RABGAP1L: variants seen among roughly 807,000 people sequenced by gnomAD.
RABGAP1L encodes the protein rab GTPase-activating protein 1-like.
RABGAP1L carries 63 observed loss-of-function variants against 137.7 expected under a neutral mutation model. The ratio of observed to expected loss-of-function variants is 0.46; its 90% CI spans 0.37 to 0.56. RABGAP1L has a LOEUF of 0.56. Among genes scored for constraint, RABGAP1L ranks in the 20% least tolerant of loss-of-function variants. The probability of loss-of-function intolerance (pLI) is 0.00; values close to 1 mark genes in which losing one functional copy is unlikely to be tolerated. For synonymous variants in RABGAP1L, 431 were observed against 433.7 expected (o/e 0.99, Z 0.08); for missense variants, 1,095 against 1,244.0 (o/e 0.88, Z 1.80).
rs1330483946 is a variant in RABGAP1L, at chr1:174,217,525, C to A, written c.-33-1600C>A. ...ACCTGAGAAGGACTTGAAGGATTGA[C>A]CACAGAAAGACATCTGGAATATGTG... On this transcript the variant is annotated intron_variant, in intron 1 of 25. Transcript: ENST00000681986. Among the ~76,000 whole-genome samples, 4 of 152,130 alleles carry A rather than the reference C, an allele frequency of 2.6e-5. No homozygotes were observed. In the East Asian group the frequency reaches 7.7e-4, roughly 29 times the overall value.
Position 174,904,411 on chromosome 1 carries a change from G to A in RABGAP1L, c.2341-53046G>A, listed in dbSNP as rs74225925. On this transcript the variant is annotated intron_variant, in intron 19 of 25. Transcript: ENST00000681986. Reference sequence around the variant, plus strand: ...GATTGAGACCATCAACCATCTTTTCGCACCATACTGGGTTACCTGGCAGGA... The same window carrying A: ...GATTGAGACCATCAACCATCTTTTCACACCATACTGGGTTACCTGGCAGGA... Among the ~76,000 whole-genome samples, 61 of 152,166 alleles carry A rather than the reference G, an allele frequency of 4.0e-4. No individual in the cohort carries two copies. In the East Asian group the frequency reaches 0.01, roughly 26 times the overall value.
At chr1:174,661,894 A>G (rs1016552729) in intron 14 of RABGAP1L, among the ~76,000 whole-genome samples, 2 of 152,206 alleles carry the variant, frequency 1.3e-5, no homozygotes, top group Non-Finnish European at 2.9e-5. Context: ...CTGTGCTGCC[A>G]GGTGTATAAA....
intron 18 of RABGAP1L, among the ~76,000 whole-genome samples, chr1:174,768,874 C>A (rs1287334638): frequency 6.6e-6 from 1 of 152,192 alleles, no homozygotes; most frequent in Non-Finnish European, 1.5e-5. Context: ...TCTCGAGTTG[C>A]TGCAGACCTG....
At position 174,943,832 on chromosome 1, in the gene RABGAP1L, C is replaced by CA. The variant is rs1226446592; in HGVS notation, c.2341-13616dup. Among the ~76,000 whole-genome samples the CA allele has an allele frequency of 6.1e-4, 91 of 149,970 alleles. 1 individual carries two copies. The South Asian group carries it at 6.7e-3, about 11-fold the overall frequency. On this transcript the variant is annotated intron_variant, in intron 19 of 25. Transcript: ENST00000681986. Reference sequence around the variant, plus strand: ...GGCGCGACAGTGCGAGACTCCATCTCAAAAAAAAAGACTTTCTCCCCACCA... The same window carrying CA: ...GGCGCGACAGTGCGAGACTCCATCTCAAAAAAAAAAGACTTTCTCCCCACCA...
intron 11 of RABGAP1L, among the ~76,000 whole-genome samples, chr1:174,321,365 T>C (rs540086621): frequency 6.6e-6 from 1 of 152,268 alleles, no homozygotes; most frequent in African/African-American, 2.4e-5. Flanking sequence ...ATGTGATCTC[T>C]GTACCCACAC....
chr1:174,176,942 G>C (rs1244216222), intron 1 of RABGAP1L, among the ~76,000 whole-genome samples: 3 of 151,956 alleles, frequency 2.0e-5, no homozygotes, highest in African/African-American at 7.3e-5. Context: ...TGGGCATGGT[G>C]GTGGGCGCCT....
chr1:174,928,205 G>T (rs990254238), intron 19 of RABGAP1L, among the ~76,000 whole-genome samples: 4 of 152,040 alleles, frequency 2.6e-5, no homozygotes, highest in Admixed American at 1.3e-4. Context: ...CTGTCTAGCA[G>T]TTACTCATTT....
chr1:174,352,279 A>G (rs1571359881), intron 11 of RABGAP1L, among the ~76,000 whole-genome samples: 2 of 151,464 alleles, frequency 1.3e-5, no homozygotes, highest in Non-Finnish European at 2.9e-5. Flanking sequence ...TATCTCTTCT[A>G]ATTGTGTGTT....
chr1:174,394,259 G>A (rs1225878530), intron 13 of RABGAP1L, 114 bp downstream of exon 13: 7 of 1,250,304 alleles, frequency 5.6e-6, no homozygotes, highest in Non-Finnish European at 7.7e-6. Context: ...AATATATTGA[G>A]GTCGTGAAGT....
At chr1:174,589,644 G>A (rs1021168530) in intron 13 of RABGAP1L, among the ~76,000 whole-genome samples, 2 of 152,122 alleles carry the variant, frequency 1.3e-5, no homozygotes, top group African/African-American at 4.8e-5. Flanking sequence ...TATATGTCGA[G>A]AGAAAGGGGT....
chr1:174,991,944 C>G lies in RABGAP1L; in HGVS notation c.*1943C>G, dbSNP rs1672083576. The G allele has an allele frequency of 6.6e-6, 1 of 152,170 alleles. No individual in the cohort carries two copies. Among genetic ancestry groups the G allele is most frequent in the African/African-American group, 2.4e-5 (1 of 41,434 alleles). 9.4% of individuals were successfully genotyped at this position (152,170 alleles called of 1,614,324 possible). ...AATGGCCAGCTAAATTAAAGATGCT[C>G]TTTTGTGTTGTGAATTTCATAGTTC... On this transcript the variant is annotated 3_prime_UTR_variant, in exon 26 of 26. Coordinates refer to ENST00000681986, the MANE Select transcript of RABGAP1L (RefSeq NM_001366446.1).
chr1:174,962,567 T>C (rs1160299360), intron 20 of RABGAP1L, among the ~76,000 whole-genome samples: 8 of 152,228 alleles, frequency 5.3e-5, no homozygotes, highest in Non-Finnish European at 7.3e-5. Flanking sequence ...CTATTATGCA[T>C]AGTAAAAATA....
At chr1:174,383,498 C>T (rs1042043214) in intron 12 of RABGAP1L, among the ~76,000 whole-genome samples, 6 of 152,146 alleles carry the variant, frequency 3.9e-5, no homozygotes, top group Admixed American at 1.3e-4. Context: ...CGTGGTGCGC[C>T]GTTTTTTAAG....
At chr1:174,452,742 T>C (rs967317513) in intron 13 of RABGAP1L, among the ~76,000 whole-genome samples, 4 of 152,160 alleles carry the variant, frequency 2.6e-5, no homozygotes, top group South Asian at 2.1e-4. Context: ...TTTGTATTTT[T>C]AGTAGAGCCG....
At chr1:174,232,926 T>C (rs947959137) in intron 4 of RABGAP1L, among the ~76,000 whole-genome samples, 1 of 152,186 alleles carries the variant, frequency 6.6e-6, no homozygotes, top group Non-Finnish European at 1.5e-5. Flanking sequence ...CTTCTTAGCC[T>C]GTTTGGGCTG....
At chr1:174,889,414 G>A (rs536557522) in intron 19 of RABGAP1L, among the ~76,000 whole-genome samples, 20 of 151,860 alleles carry the variant, frequency 1.3e-4, no homozygotes, top group Non-Finnish European at 2.4e-4. Context: ...GAGCCACCGC[G>A]TCCGGCCCTG....
intron 22 of RABGAP1L, among the ~76,000 whole-genome samples, chr1:174,976,532 T>C (rs1227642702): frequency 2.6e-5 from 4 of 152,202 alleles, no homozygotes; most frequent in Non-Finnish European, 1.5e-5. Context: ...TCCAAGATAA[T>C]TGACTTCTCT....
At chr1:174,983,681 G>A (rs1671328169) in intron 24 of RABGAP1L, among the ~76,000 whole-genome samples, 1 of 152,146 alleles carries the variant, frequency 6.6e-6, no homozygotes, top group Admixed American at 6.5e-5. Context: ...ATAAAATGGA[G>A]ATAACATTAC....
intron 10 of RABGAP1L, among the ~76,000 whole-genome samples, chr1:174,301,162 C>A (rs141136508): frequency 6.6e-6 from 1 of 151,852 alleles, no homozygotes; most frequent in Non-Finnish European, 1.5e-5. Flanking sequence ...GCCAGTTGTT[C>A]CAAGTGCTGA....
Sources: allele counts gnomAD v4.1 joint callset (sites outside exome capture counted in the v4.1 genomes callset), GRCh38; gene constraint gnomAD v4.1.1; transcripts MANE v1.5; gene names NCBI Gene and HGNC (gene_info 2026-07-23, HGNC 2026-07-21).